The following GIT2 variants were observed in gnomAD, a reference collection of about 807,000 sequenced individuals.
The protein encoded by GIT2 is ARF GTPase-activating protein GIT2.
In GIT2, 32 loss-of-function variants were observed where a neutral mutation model predicts 100.3. The ratio of observed to expected loss-of-function variants is 0.32; its 90% CI spans 0.24 to 0.43. The LOEUF is 0.43. Ranked by LOEUF, GIT2 falls within the 20% of genes least tolerant of loss-of-function variation. The pLI is 1.00. For missense variants in GIT2, 737 were observed against 975.1 expected (o/e 0.76, Z 3.25); for synonymous variants, 353 against 364.1 (o/e 0.97, Z 0.35).
chr12:109,950,814 C>T (rs1212126938), intron 14 of GIT2: 1 of 191,504 alleles, frequency 5.2e-6, no homozygotes, highest in Non-Finnish European at 1.1e-5. Flanking sequence ...GCCCAGGGCT[C>T]TCATTGGCTC....
In GIT2 at chr12:109,953,218, T is replaced by G. The variant is rs764038348; in HGVS notation, c.1116A>C (p.Ile372=). The change falls in exon 13 of 20, where the codon ATA becomes ATC. Residue 372 remains isoleucine, a synonymous_variant. Transcript: ENST00000355312. The part of the protein sequence containing the change: ...LSGSKDNVEL[I]LKTINNQHSV... ...TGTGCTGGTTATTGATGGTTTTCAG[T>G]ATGAGCTCCACATTGTCTATCAATA... 14 of 1,614,044 alleles carry G rather than the reference T, an allele frequency of 8.7e-6. No individual in the cohort carries two copies. The Admixed American group carries it at 2.3e-4, about 27-fold the overall frequency.
At chr12:109,952,497 C>T (rs1233058227) in intron 13 of GIT2, 5 of 518,854 alleles carry the variant, frequency 9.6e-6, no homozygotes, top group South Asian at 2.8e-5. Flanking sequence ...CACTCTCTTC[C>T]GTCGGGTGTC....
At chr12:109,943,234 A>G (rs1177551073) in intron 16 of GIT2, among the ~76,000 whole-genome samples, 1 of 152,248 alleles carries the variant, frequency 6.6e-6, no homozygotes. Context: ...TTGACTTACA[A>G]AATTTCTAAT....
intron 4 of GIT2, among the ~76,000 whole-genome samples, chr12:109,986,330 A>G (rs963826483): frequency 6.6e-6 from 1 of 152,214 alleles, no homozygotes; most frequent in African/African-American, 2.4e-5. Flanking sequence ...CCAGTAGCAC[A>G]TCAAAAGTTA....
intron 17 of GIT2, chr12:109,938,808 C>T (rs1442987599): frequency 1.9e-6 from 1 of 520,300 alleles, no homozygotes. Flanking sequence ...GAGGGAAATA[C>T]CTGGAGCGGG....
chr12:109,983,335 A>T lies in GIT2; in HGVS notation c.623+38T>A, dbSNP rs534046178. 3.8e-6 allele frequency: 6 copies of T among 1,598,234 alleles called. No homozygotes were observed. In the South Asian group the frequency reaches 5.6e-5, roughly 15 times the overall value. On this transcript the variant is annotated intron_variant, in intron 6 of 19. Transcript: ENST00000355312. ...AACAAGGAATCACACCCAACAAAAA[A>T]ATCCCAGAGAGAAGTAGCGAGAATC...
chr12:109,953,141 T>C lies in GIT2; in HGVS notation c.1193A>G (p.Asp398Gly), dbSNP rs747307889. The change falls in exon 13 of 20, where the codon GAC becomes GGC. Residue 398 changes from aspartate (D) to glycine (G), a missense_variant. This residue lies in a region of GIT2 where 451 missense variants were observed against 543.7 expected (regional missense o/e 0.83). Coordinates refer to ENST00000355312, the MANE Select transcript of GIT2 (RefSeq NM_057169.5). ...DQPDYDSVAS[D>G]EDTDLETTAS... ...AGTGGTTTCCAAATCTGTGTCTTCG[T>C]CTGATGCCACGCTGTCATAGTCGGG... The C allele has an allele frequency of 1.2e-6, 2 of 1,614,170 alleles. No individual in the cohort carries two copies. The highest frequency in any genetic ancestry group is 1.7e-6 in the Non-Finnish European group (2 of 1,180,010).
Position 109,945,250 on chromosome 12 carries a change from T to C in GIT2, c.1731+10A>G. On this transcript the variant is annotated intron_variant, in intron 16 of 19. Transcript: ENST00000355312. ...CCTCCAGAGAGCAGACCATTCAGAA[T>C]GTACTTAACCCTTCGGGCGCTTTCG... 1.5e-6 allele frequency: 2 copies of C among 1,360,374 alleles called. No homozygotes were observed. Among genetic ancestry groups the C allele is most frequent in the Non-Finnish European group, 1.1e-6 (1 of 950,392 alleles). 84.3% of individuals were successfully genotyped at this position (1,360,374 alleles called of 1,614,324 possible). A position where few individuals can be genotyped will look rare whatever the true frequency, so the allele number is the denominator to read the frequency against.
chr12:109,980,780 C>A, intron 7 of GIT2, 172 bp downstream of exon 7: 1 of 612,054 alleles, frequency 1.6e-6, no homozygotes, highest in Non-Finnish European at 2.9e-6. Context: ...AACTTTATAT[C>A]TTTTACATGT....
chr12:109,961,349 C>T lies in GIT2; in HGVS notation c.916G>A (p.Ala306Thr), dbSNP rs145311100. 21 of 1,613,098 alleles carry T rather than the reference C, an allele frequency of 1.3e-5. No homozygotes were observed. The highest frequency in any genetic ancestry group is 1.7e-5 in the Non-Finnish European group (20 of 1,179,098). The change falls in exon 11 of 20, where the codon GCC (alanine) becomes ACC (threonine). Residue 306 changes from alanine to threonine, a missense_variant. Coordinates refer to ENST00000355312, the MANE Select transcript of GIT2 (RefSeq NM_057169.5). Reference protein sequence around the residue: ...AVWLATQNHSALVTETTVVPF... With the variant: ...AVWLATQNHSTLVTETTVVPF... ...ACGACCGTTGTCTCGGTTACCAGGG[C>T]GCTGTGGTTTTGCGTGGCAAGCCAG...
intron 15 of GIT2, among the ~76,000 whole-genome samples, chr12:109,945,732 G>A (rs1410237361): frequency 6.6e-6 from 1 of 152,072 alleles, no homozygotes; most frequent in Non-Finnish European, 1.5e-5. Context: ...CAATTACAGT[G>A]CCTTCCTGAT....
chr12:109,932,745 A>C lies in GIT2; in HGVS notation c.*233T>G. On this transcript the variant is annotated 3_prime_UTR_variant, in exon 20 of 20. Coordinates refer to ENST00000355312, the MANE Select transcript of GIT2 (RefSeq NM_057169.5). ...GTGATCAACTCAACAGTTGTTGACA[A>C]CACAACCGAACATCAGAAACTAAAC... 2.0e-6 allele frequency: 1 copy of C among 490,154 alleles called. No homozygotes were observed. The highest frequency in any genetic ancestry group is 3.7e-6 in the Non-Finnish European group (1 of 270,888). 30.4% of individuals were successfully genotyped at this position (490,154 alleles called of 1,614,324 possible).
chr12:109,983,544 A>T (rs1566009924), intron 5 of GIT2, 41 bp from the exon 6 acceptor site: 1 of 1,604,364 alleles, frequency 6.2e-7, no homozygotes, highest in Admixed American at 1.7e-5. Context: ...GAGCACATTA[A>T]ATAAAGGCTA....
chr12:109,969,584 T>A (rs1883344141), intron 7 of GIT2, among the ~76,000 whole-genome samples: 1 of 152,164 alleles, frequency 6.6e-6, no homozygotes, highest in African/African-American at 2.4e-5. Flanking sequence ...TCTTGCTCTG[T>A]CACCCAGGCT....
intron 7 of GIT2, 152 bp from the exon 8 acceptor site, chr12:109,967,655 G>C (rs1056694819): frequency 6.2e-6 from 4 of 644,494 alleles, no homozygotes; most frequent in Non-Finnish European, 1.1e-5. Flanking sequence ...AATTCCTGAA[G>C]ACCCAGCTAG....
chr12:109,984,169 G>C (rs377371990), intron 4 of GIT2, among the ~76,000 whole-genome samples: 9 of 152,136 alleles, frequency 5.9e-5, no homozygotes, highest in African/African-American at 1.9e-4. Flanking sequence ...CAGCACTTTG[G>C]GGGGCTGAGG....
chr12:109,985,666 A>G (rs1157869143), intron 4 of GIT2, among the ~76,000 whole-genome samples: 1 of 152,082 alleles, frequency 6.6e-6, no homozygotes, highest in African/African-American at 2.4e-5. Flanking sequence ...CCTGGCCAAC[A>G]TGGTGAAACC....
intron 18 of GIT2, among the ~76,000 whole-genome samples, chr12:109,937,065 T>C (rs1288235497): frequency 3.3e-5 from 5 of 152,106 alleles, no homozygotes; most frequent in Non-Finnish European, 7.4e-5. Context: ...AATTAGACAG[T>C]TTTTATCGAA....
Position 109,933,150 on chromosome 12 carries a change from A to C in GIT2, c.2108T>G (p.Leu703Arg), listed in dbSNP as rs1219135109. 1 of 1,588,140 alleles carries C rather than the reference A, an allele frequency of 6.3e-7. No individual in the cohort carries two copies. The highest frequency in any genetic ancestry group is 1.8e-5 in the Admixed American group (1 of 54,636). ...CTGCAGTCGGTAGGCACTGGACGTC[A>C]GTAAACGAAGGGAAGTCCTCACCAT... ...SDMVRTSLRLLTSSAYRLQSE... is the reference protein window; with the variant it reads ...SDMVRTSLRLRTSSAYRLQSE... Residue 703 changes from leucine to arginine, a missense_variant, in exon 20 of 20, where the codon CTG (leucine) becomes CGG (arginine). Leu to Arg is a moderately radical substitution (Grantham distance 102). Around this residue, in one of 3 missense-constraint regions of GIT2, gnomAD observed 451 missense variants for 543.7 expected, o/e 0.83. Transcript: ENST00000355312. This position sits in a 1 kb window ranked among gnomAD's most constrained non-coding sequence, Gnocchi z 4.5.
Sources: allele counts gnomAD v4.1 joint callset (sites outside exome capture counted in the v4.1 genomes callset), GRCh38; gene constraint gnomAD v4.1.1; regional missense constraint gnomAD v4.1.1; non-coding constraint Gnocchi (gnomAD v3.1); transcripts MANE v1.5; gene names NCBI Gene and HGNC (gene_info 2026-07-23, HGNC 2026-07-21).